STAT1: variants seen among roughly 807,000 people sequenced by gnomAD.
STAT1 encodes the protein signal transducer and activator of transcription 1.
STAT1 carries 24 observed loss-of-function variants against 111.7 expected under a neutral mutation model. The ratio of observed to expected loss-of-function variants is 0.21; its 90% CI spans 0.16 to 0.30. STAT1 has a LOEUF of 0.30. Among genes scored for constraint, STAT1 ranks in the 10% least tolerant of loss-of-function variants. The pLI, the probability that STAT1 is intolerant of heterozygous loss-of-function variation, is 1.00. For missense variants in STAT1, 351 were observed against 911.9 expected, an observed-to-expected ratio of 0.38 and a Z score of 7.92; for synonymous variants, 332 against 326.5, an observed-to-expected ratio of 1.02 and a Z score of -0.18.
Position 190,979,543 on chromosome 2 carries a change from G to T in STAT1, c.1727+229C>A, listed in dbSNP as rs559066885. Reference sequence around the variant, plus strand: ...AATGCATGAATGGCACTCAAGAGTTGTTTTTTTTTTTTAATTTAGCTTTGC... The same window carrying T: ...AATGCATGAATGGCACTCAAGAGTTTTTTTTTTTTTTTAATTTAGCTTTGC... On this transcript the variant is annotated intron_variant, in intron 20 of 24. Transcript: ENST00000361099. The surrounding 1 kb of genome is among the most constrained non-coding windows in gnomAD (Gnocchi z 5.8). Among the ~76,000 whole-genome samples the T allele has an allele frequency of 2.3e-4, 34 of 144,770 alleles. No homozygotes were observed. Among genetic ancestry groups the T allele is most frequent in the South Asian group, 1.5e-3 (7 of 4,592 alleles). 95.0% of individuals were successfully genotyped at this position (144,770 alleles called of 152,430 possible).
At chr2:191,008,912 C>T (rs1243048485) in intron 4 of STAT1, 51 bp downstream of exon 4, 1 of 1,599,228 alleles carries the variant, frequency 6.3e-7, no homozygotes, top group African/African-American at 1.3e-5. Context: ...AGAAAACTGC[C>T]TTCCATAAAC....
chr2:190,991,698 TTTG>T (rs989307880), intron 10 of STAT1, among the ~76,000 whole-genome samples: 1 of 150,938 alleles, frequency 6.6e-6, no homozygotes, highest in African/African-American at 2.4e-5. Flanking sequence ...ATCTTTACAA[TTTG>T]TTTTTTTTTT....
rs756051270 is a variant in STAT1, at chr2:190,974,830, C to T, written c.2238G>A (p.Met746Ile). The T allele has an allele frequency of 2.5e-6, 4 of 1,613,540 alleles. No homozygotes were observed. In the South Asian group the frequency reaches 4.4e-5, roughly 18 times the overall value. Reference protein sequence around the residue: ...RIVGSVEFDSMMNTV With the variant: ...RIVGSVEFDSIMNTV The stretch of plus-strand genomic sequence containing the variant: ...CACACAGGCCAGCCGTGGTACTCAC[C>T]ATACTGTCGAATTCTACAGAGCCCA... Residue 746 changes from methionine (M) to isoleucine (I), a missense_variant and splice_region_variant, in exon 24 of 25, where the codon ATG becomes ATA. Transcript: ENST00000361099. This position sits in a 1 kb window ranked among gnomAD's most constrained non-coding sequence, Gnocchi z 4.8.
chr2:191,001,949 A>C (rs1413641172), intron 5 of STAT1, among the ~76,000 whole-genome samples: 3 of 152,200 alleles, frequency 2.0e-5, no homozygotes, highest in African/African-American at 7.2e-5. Flanking sequence ...TAAATCCCCC[A>C]CACAGCAAAA....
Position 190,987,136 on chromosome 2 carries a change from A to G in STAT1, c.1098-68T>C, listed in dbSNP as rs2125036161. ...TTGAAATAAGCTTTAACAAAATTAT[A>G]AGAGTATAAGAGCATAAGAGTGTAA... On this transcript the variant is annotated intron_variant, in intron 12 of 24. Transcript: ENST00000361099. The surrounding 1 kb of genome is among the most constrained non-coding windows in gnomAD (Gnocchi z 4.0). 1 of 1,131,348 alleles carries G rather than the reference A, an allele frequency of 8.8e-7. No homozygotes were observed. The highest frequency in any genetic ancestry group is 1.7e-5 in the Admixed American group (1 of 57,416). 70.1% of individuals were successfully genotyped at this position (1,131,348 alleles called of 1,614,324 possible). A position where few individuals can be genotyped will look rare whatever the true frequency, so the allele number is the denominator to read the frequency against.
At chr2:190,992,762 G>T in intron 10 of STAT1, 1 of 732,092 alleles carries the variant, frequency 1.4e-6, no homozygotes, top group Non-Finnish European at 2.0e-6. Context: ...CCATCATCAT[G>T]GAACACAGTT....
chr2:191,001,017 C>A (rs1349345688), intron 6 of STAT1, 57 bp downstream of exon 6: 1 of 1,411,628 alleles, frequency 7.1e-7, no homozygotes, highest in Non-Finnish European at 1.0e-6. Context: ...GCAATTGAAA[C>A]CTTTTTTCCC....
chr2:191,014,064 G>C lies in STAT1; in HGVS notation c.-202C>G. ...GGCTAGGCGGGGGCGCGGCGGTGCA[G>C]CCTCTCCCGAGCGCGCTGGGTCGCC... On this transcript the variant is annotated 5_prime_UTR_variant, in exon 1 of 25. Transcript: ENST00000361099. The C allele has an allele frequency of 5.9e-6, 1 of 169,924 alleles. No individual in the cohort carries two copies. The highest frequency in any genetic ancestry group is 1.2e-5 in the Non-Finnish European group (1 of 80,020). The allele number at this position is 169,924 out of a possible 1,614,324, so 10.5% of individuals were successfully genotyped here.
At position 191,003,305 on chromosome 2, in the gene STAT1, C is replaced by A. The variant is rs141359030; in HGVS notation, c.373-2142G>T. ...CAGTGACAAAAGGGGTTTCTCTGGG[C>A]GGTTGGAATAAGTTGTCACTTTGAG... On this transcript the variant is annotated intron_variant, in intron 5 of 24. Coordinates refer to ENST00000361099, the MANE Select transcript of STAT1 (RefSeq NM_007315.4). This position sits in a 1 kb window ranked among gnomAD's most constrained non-coding sequence, Gnocchi z 4.0. 6.6e-6 allele frequency among the ~76,000 whole-genome samples: 1 copy of A among 152,304 alleles called. No homozygotes were observed. The highest frequency in any genetic ancestry group is 1.5e-5 in the Non-Finnish European group (1 of 68,026).
chr2:190,985,344 G>T (rs572119712), intron 15 of STAT1, among the ~76,000 whole-genome samples: 3 of 152,284 alleles, frequency 2.0e-5, no homozygotes, highest in South Asian at 2.1e-4. Context: ...TTCTTCACCC[G>T]TAAGATGCGA....
In STAT1 at chr2:191,000,171, C is replaced by T. The variant is rs745683919; in HGVS notation, c.463-467G>A. 1.1e-4 allele frequency among the ~76,000 whole-genome samples: 17 copies of T among 152,194 alleles called. No homozygotes were observed. Among genetic ancestry groups the T allele is most frequent in the Admixed American group, 9.2e-4 (14 of 15,280 alleles). On this transcript the variant is annotated intron_variant, in intron 6 of 24. Transcript: ENST00000361099. This position sits in a 1 kb window ranked among gnomAD's most constrained non-coding sequence, Gnocchi z 4.8. ...GTAATTATAAACAGTGCCCTCTTGGCGGCTCAAATGCATCTCCATCTGGAC... is the reference window on the plus strand; with the variant it reads ...GTAATTATAAACAGTGCCCTCTTGGTGGCTCAAATGCATCTCCATCTGGAC...
In STAT1 at chr2:190,979,920, C is replaced by T; in HGVS notation, c.1633-54G>A. 8.2e-7 allele frequency: 1 copy of T among 1,213,514 alleles called. No homozygotes were observed. The highest frequency in any genetic ancestry group is 2.4e-5 in the East Asian group (1 of 42,516). The allele number at this position is 1,213,514 out of a possible 1,614,324, so 75.2% of individuals were successfully genotyped here. A position where few individuals can be genotyped will look rare whatever the true frequency, so the allele number is the denominator to read the frequency against. Reference sequence around the variant, plus strand: ...AACAAAAATCTAAAACAATGACTTACCATGGCCCCTCCCACCATCATTTGC... The same window carrying T: ...AACAAAAATCTAAAACAATGACTTATCATGGCCCCTCCCACCATCATTTGC... On this transcript the variant is annotated intron_variant, in intron 19 of 24. Transcript: ENST00000361099. This position sits in a 1 kb window ranked among gnomAD's most constrained non-coding sequence, Gnocchi z 5.8.
intron 1 of STAT1, 32 bp downstream of exon 1, chr2:191,013,985 AC>A (rs1014791673): frequency 3.3e-5 from 8 of 245,912 alleles, no homozygotes; most frequent in Non-Finnish European, 6.2e-5. Context: ...TGCGCGTCCC[AC>A]CCCCGGCACC....
rs1370705914 is a variant in STAT1 at position 191,003,077 on chromosome 2, A to G, written c.373-1914T>C. On this transcript the variant is annotated intron_variant, in intron 5 of 24. Transcript: ENST00000361099. This position sits in a 1 kb window ranked among gnomAD's most constrained non-coding sequence, Gnocchi z 4.0. ...TTTTATATTGATACTCATAAGTAAA[A>G]TTGGTCCATAATTTTTTGTTTTATC... Among the ~76,000 whole-genome samples the G allele has an allele frequency of 6.6e-6, 1 of 152,192 alleles. No individual in the cohort carries two copies. Among genetic ancestry groups the G allele is most frequent in the African/African-American group, 2.4e-5 (1 of 41,448 alleles).
chr2:191,010,148 C>T, intron 2 of STAT1, 144 bp from the exon 3 acceptor site: 1 of 1,040,310 alleles, frequency 9.6e-7, no homozygotes, highest in Non-Finnish European at 1.4e-6. Context: ...ATTTAAATGG[C>T]ATTTATAGTC....
At chr2:191,008,621 A>G (rs1457173090) in intron 4 of STAT1, among the ~76,000 whole-genome samples, 1 of 152,228 alleles carries the variant, frequency 6.6e-6, no homozygotes, top group African/African-American at 2.4e-5. Context: ...TTAATGTATT[A>G]CTATAGATCA....
chr2:190,984,460 C>A lies in STAT1; in HGVS notation c.1264-67G>T. ...ACAGATCCTAAAACTTTCAAAAGCC[C>A]AATTAACATTGCAACAGGCCACAGA... On this transcript the variant is annotated intron_variant, in intron 15 of 24. Coordinates refer to ENST00000361099, the MANE Select transcript of STAT1 (RefSeq NM_007315.4). This position sits in a 1 kb window ranked among gnomAD's most constrained non-coding sequence, Gnocchi z 5.2. 1 of 1,398,066 alleles carries A rather than the reference C, an allele frequency of 7.2e-7. No individual in the cohort carries two copies. The highest frequency in any genetic ancestry group is 1.0e-6 in the Non-Finnish European group (1 of 991,872). The allele number at this position is 1,398,066 out of a possible 1,614,324, so 86.6% of individuals were successfully genotyped here.
In STAT1 at chr2:190,977,978, G is replaced by A. The variant is rs1318175265; in HGVS notation, c.1873+878C>T. Among the ~76,000 whole-genome samples, 11 of 150,900 alleles carry A rather than the reference G, an allele frequency of 7.3e-5. No homozygotes were observed. Among genetic ancestry groups the A allele is most frequent in the Non-Finnish European group, 1.2e-4 (8 of 67,750 alleles). On this transcript the variant is annotated intron_variant, in intron 21 of 24. Transcript: ENST00000361099. This position sits in a 1 kb window ranked among gnomAD's most constrained non-coding sequence, Gnocchi z 4.7. The stretch of plus-strand genomic sequence containing the variant: ...AATAAACAGAACAAGAAAGAATACC[G>A]TTCCAGAAAAAAAAAATAGAAGAGT...
intron 5 of STAT1, among the ~76,000 whole-genome samples, chr2:191,005,341 A>T (rs902340373): frequency 6.6e-6 from 1 of 152,244 alleles, no homozygotes; most frequent in Non-Finnish European, 1.5e-5. Flanking sequence ...TAGAATATAC[A>T]CAGTCATGTA....
Sources: allele counts gnomAD v4.1 joint callset (sites outside exome capture counted in the v4.1 genomes callset), GRCh38; gene constraint gnomAD v4.1.1; non-coding constraint Gnocchi (gnomAD v3.1); transcripts MANE v1.5; gene names NCBI Gene and HGNC (gene_info 2026-07-23, HGNC 2026-07-21).